The following PDXDC1 variants were observed in gnomAD, a reference collection of about 807,000 sequenced individuals.
PDXDC1 encodes the protein pyridoxal dependent decarboxylase domain containing 1, also known as pyridoxal-dependent decarboxylase domain-containing protein 1.
A neutral mutation model predicts 100.1 loss-of-function variants in PDXDC1; 42 were observed. That is an observed-to-expected ratio of 0.42 (90% confidence interval 0.33 to 0.54). PDXDC1 has a LOEUF of 0.54. PDXDC1 is among the 20% of genes least tolerant of loss of function. PDXDC1 has a pLI of 0.10. For missense variants in PDXDC1, 636 were observed against 979.2 expected, an observed-to-expected ratio of 0.65 and a Z score of 4.68; for synonymous variants, 260 against 371.7, an observed-to-expected ratio of 0.70 and a Z score of 3.46.
intron 16 of PDXDC1, chr16:15,135,650 T>G (rs900859051): frequency 1.9e-5 from 31 of 1,590,854 alleles, no homozygotes; most frequent in Non-Finnish European, 2.6e-5. Context: ...CGCACTGACC[T>G]GTGTCGAAGC....
At chr16:15,132,620 G>A in intron 16 of PDXDC1, 1 of 777,324 alleles carries the variant, frequency 1.3e-6, no homozygotes, top group Non-Finnish European at 2.2e-6. Context: ...GCCCAGGCTG[G>A]AGGCTCAGCT....
chr16:15,031,482 T>C (rs2043061052), intron 16 of PDXDC1, among the ~76,000 whole-genome samples: 1 of 152,216 alleles, frequency 6.6e-6, no homozygotes, highest in Non-Finnish European at 1.5e-5. Flanking sequence ...GAGTGATTTC[T>C]AACACTGGAG....
At chr16:15,147,492 G>A in the PDXDC1 span, among the ~76,000 whole-genome samples, 7 of 152,300 alleles carry the variant, frequency 4.6e-5, no homozygotes, top group Middle Eastern at 0.014. Context: ...CGCAGGGCCC[G>A]GCGTGGCCAC....
Position 15,127,652 on chromosome 16 carries a change from C to A in PDXDC1, c.1400-11227C>A, listed in dbSNP as rs1176458578. Reference sequence around the variant, plus strand: ...AGGCTGAGGGGCAGGAAGGGCTGGGCAGGAAGAGGCTGTCCCGACCCCTAC... The same window carrying A: ...AGGCTGAGGGGCAGGAAGGGCTGGGAAGGAAGAGGCTGTCCCGACCCCTAC... On this transcript the variant is annotated intron_variant, in intron 16 of 16. Transcript: ENST00000535621. 9 of 1,267,730 alleles carry A rather than the reference C, an allele frequency of 7.1e-6. 1 individual carries two copies. The Middle Eastern group carries it at 1.8e-3, about 260-fold the overall frequency. 78.5% of individuals were successfully genotyped at this position (1,267,730 alleles called of 1,614,324 possible).
At chr16:15,059,823 G>A (rs1203425013) in intron 16 of PDXDC1, among the ~76,000 whole-genome samples, 1 of 152,056 alleles carries the variant, frequency 6.6e-6, no homozygotes, top group Admixed American at 6.6e-5. Flanking sequence ...ATCACTCTTT[G>A]CTGGGTGTGA....
At chr16:15,078,736 G>C (rs1479864275) in intron 16 of PDXDC1, among the ~76,000 whole-genome samples, 1 of 151,706 alleles carries the variant, frequency 6.6e-6, no homozygotes, top group Non-Finnish European at 1.5e-5. Flanking sequence ...AGTATTCTCT[G>C]GTAGGCTGCC....
At position 15,008,790 on chromosome 16, in the gene PDXDC1, C is replaced by G; in HGVS notation, c.591C>G (p.Pro197=). 6.2e-7 allele frequency: 1 copy of G among 1,613,916 alleles called. No homozygotes were observed. Residue 197 remains proline (P), a synonymous_variant, in exon 7 of 23, where the codon CCC becomes CCG. Transcript: ENST00000396410. ...GTTTCTTCCTGCAGCTCGGCTTGCCCTTCCCCTGCTTGTGCCGTGTACCCT... is the reference window on the plus strand; with the variant it reads ...GTTTCTTCCTGCAGCTCGGCTTGCCGTTCCCCTGCTTGTGCCGTGTACCCT... ...GQYLCNQLGL[P]FPCLCRVPCN...
In PDXDC1 at chr16:15,125,454, C is replaced by T. The variant is rs574387047; in HGVS notation, c.1400-13425C>T. 5.0e-4 allele frequency: 443 copies of T among 884,434 alleles called. 7 individuals are homozygous for T. The East Asian group carries it at 9.2e-3, about 18-fold the overall frequency. 54.8% of individuals were successfully genotyped at this position (884,434 alleles called of 1,614,324 possible). ...TCCCACGTGGTGTGACCACATGGAG[C>T]CACAGACACCCAGCAAGGACACGCA... On this transcript the variant is annotated intron_variant, in intron 16 of 16. Transcript: ENST00000535621.
At chr16:15,098,106 T>C (rs2046421329) in intron 16 of PDXDC1, among the ~76,000 whole-genome samples, 1 of 151,624 alleles carries the variant, frequency 6.6e-6, no homozygotes, top group South Asian at 2.1e-4. Flanking sequence ...TCCTGATGTA[T>C]GTGTACAAGT....
At chr16:15,041,726 C>A (rs111350492), downstream of PDXDC1, 1 of 1,354,408 alleles carries the variant, frequency 7.4e-7, no homozygotes. Context: ...CTCTAGTTAC[C>A]AGAACAAACT....
chr16:15,087,002 G>C (rs949765192), intron 16 of PDXDC1, among the ~76,000 whole-genome samples: 3 of 152,140 alleles, frequency 2.0e-5, no homozygotes, highest in East Asian at 1.9e-4. Flanking sequence ...AATATTTTTC[G>C]GGCAATCAAA....
chr16:15,124,432 A>G (rs573198438), intron 16 of PDXDC1, among the ~76,000 whole-genome samples: 62 of 152,290 alleles, frequency 4.1e-4, no homozygotes, highest in Middle Eastern at 3.4e-3. Context: ...TAGAAAGCCA[A>G]TGCCTTTACC....
chr16:15,052,395 G>A (rs1330974999), intron 16 of PDXDC1, among the ~76,000 whole-genome samples: 3 of 152,154 alleles, frequency 2.0e-5, no homozygotes, highest in African/African-American at 7.2e-5. Context: ...GTGGCTTGTT[G>A]ACCTGTGTCT....
At position 15,035,437 on chromosome 16, in the gene PDXDC1, C is replaced by T. The variant is rs984609133; in HGVS notation, c.2003-12C>T. ...GCCTGTAGCTTCTACCCAGCCCTCT[C>T]CTCTCCCGCAGGCTCTCTGGAGTCC... is the stretch of plus-strand genomic sequence containing the variant. On this transcript the variant is annotated splice_polypyrimidine_tract_variant and intron_variant, in intron 21 of 22. Coordinates refer to ENST00000396410, the MANE Select transcript of PDXDC1 (RefSeq NM_015027.4). The T allele has an allele frequency of 6.4e-7, 1 of 1,567,512 alleles. No homozygotes were observed. Among genetic ancestry groups the T allele is most frequent in the South Asian group, 1.1e-5 (1 of 87,342 alleles).
At chr16:15,123,131 C>A (rs1390772246) in intron 16 of PDXDC1, among the ~76,000 whole-genome samples, 3 of 150,116 alleles carry the variant, frequency 2.0e-5, no homozygotes, top group East Asian at 2.0e-4. Context: ...CCTTAGCAAC[C>A]CTGGGGCTTT....
At chr16:15,010,932 T>C in intron 8 of PDXDC1, among the ~76,000 whole-genome samples, 1 of 152,406 alleles carries the variant, frequency 6.6e-6, no homozygotes. Context: ...CTGAGAGAAA[T>C]TCAAGAAGAC....
the PDXDC1 span, among the ~76,000 whole-genome samples, chr16:15,145,885 G>A: frequency 6.6e-6 from 1 of 152,230 alleles, no homozygotes; most frequent in Non-Finnish European, 1.5e-5. Flanking sequence ...TGCTTGGCGG[G>A]CTGGGCTGCC....
chr16:15,040,316 T>C, downstream of PDXDC1: 2 of 399,644 alleles, frequency 5.0e-6, no homozygotes, highest in Non-Finnish European at 8.8e-6. Context: ...GCTTTCCACA[T>C]GGGAGGCAGC....
At position 14,975,057 on chromosome 16, in the gene PDXDC1, G is replaced by A. The variant is rs1184769200; in HGVS notation, c.-143G>A. On this transcript the variant is annotated 5_prime_UTR_variant, in exon 1 of 23. Coordinates refer to ENST00000396410, the MANE Select transcript of PDXDC1 (RefSeq NM_015027.4). Reference sequence around the variant, plus strand: ...ACCATCAGGTTCGGCAGCCCGCGGCGCCGCCTGGCAGCTCCTCCTCTTCTC... The same window carrying A: ...ACCATCAGGTTCGGCAGCCCGCGGCACCGCCTGGCAGCTCCTCCTCTTCTC... 3 of 1,513,074 alleles carry A rather than the reference G, an allele frequency of 2.0e-6. No homozygotes were observed. Among genetic ancestry groups the A allele is most frequent in the African/African-American group, 1.4e-5 (1 of 71,928 alleles). The allele number at this position is 1,513,074 out of a possible 1,614,324, so 93.7% of individuals were successfully genotyped here.
Sources: allele counts gnomAD v4.1 joint callset (sites outside exome capture counted in the v4.1 genomes callset), GRCh38; gene constraint gnomAD v4.1.1; transcripts MANE v1.5; gene names NCBI Gene and HGNC (gene_info 2026-07-23, HGNC 2026-07-21).